Variants in MUC17 observed in about 807,000 individuals in gnomAD.
MUC17 encodes mucin-17.
Under a neutral mutation model 170.3 loss-of-function variants are expected in MUC17, and 190 were observed. The observed-to-expected ratio is 1.12, with a 90% confidence interval of 0.99 to 1.26. The LOEUF is 1.26. Ranked by LOEUF, MUC17 falls within the 50% of genes most tolerant of loss-of-function variation. MUC17 has a pLI of 0.00. For missense variants in MUC17, 6,415 were observed against 5,530.0 expected (o/e 1.16, Z -5.08); for synonymous variants, 2,325 against 2,002.5 (o/e 1.16, Z -4.30).
In MUC17 at chr7:101,042,635, GC is replaced by G. The variant is rs754963706; in HGVS notation, c.11220del (p.Ser3740ArgfsTer12). 4.8e-5 allele frequency: 77 copies of G among 1,613,878 alleles called. No homozygotes were observed. The highest frequency in any genetic ancestry group is 1.2e-5 in the Non-Finnish European group (14 of 1,180,020). ...EAISSSATLD[S>X]TTMSVSMPME... ...ATTTCATCTTCTGCAACTCTTGACA[GC>G]ACCACCATGTCTGTGTCAATGCCCA... On this transcript the variant is annotated frameshift_variant, in exon 3 of 13. Coordinates refer to ENST00000306151, the MANE Select transcript of MUC17 (RefSeq NM_001040105.2). LOFTEE classifies it high-confidence loss of function.
rs552714025 is a variant in MUC17 at position 101,043,661 on chromosome 7, C to T, written c.12245C>T (p.Thr4082Met). Reference sequence around the variant, plus strand: ...CCTCCAACAACCTCTGCCTCCTCCACGACTGTGAACCCTGAGGCTGTCACC... The same window carrying T: ...CCTCCAACAACCTCTGCCTCCTCCATGACTGTGAACCCTGAGGCTGTCACC... The part of the protein sequence containing the change: ...STPPTTSASS[T>M]TVNPEAVTTM... The change falls in exon 3 of 13, where the codon ACG (threonine) becomes ATG (methionine). Residue 4082 changes from threonine (T) to methionine (M), a missense_variant. Transcript: ENST00000306151. 5.9e-5 allele frequency: 95 copies of T among 1,614,196 alleles called. 1 individual carries two copies. The highest frequency in any genetic ancestry group is 5.2e-4 in the South Asian group (47 of 91,076).
rs144494200 is a variant in MUC17 at position 101,038,371 on chromosome 7, C to T, written c.6955C>T (p.Pro2319Ser). Residue 2319 changes from proline to serine, a missense_variant, in exon 3 of 13, where the codon CCT (proline) becomes TCT (serine). Physicochemically the swap from Pro to Ser is moderately conservative, Grantham distance 74 (BLOSUM62 -1). Transcript: ENST00000306151. ...PFTTSTEASS[P>S]PPTAEGTSMP... ...CACTACTTCTACTGAAGCCAGTTCACCTCCTCCCACTGCTGAAGGTACCAG... is the reference window on the plus strand; with the variant it reads ...CACTACTTCTACTGAAGCCAGTTCATCTCCTCCCACTGCTGAAGGTACCAG... The T allele has an allele frequency of 1.9e-4, 301 of 1,610,594 alleles. No individual in the cohort carries two copies. In the Middle Eastern group the frequency reaches 2.5e-3, roughly 13 times the overall value.
rs374939837 is a variant in MUC17, at chr7:101,035,633, C to G, written c.4217C>G (p.Thr1406Arg). The G allele has an allele frequency of 3.8e-5, 62 of 1,612,520 alleles. No individual in the cohort carries two copies. The highest frequency in any genetic ancestry group is 5.0e-5 in the Non-Finnish European group (59 of 1,179,138). ...TTAACAAGTATACCTGTCAGCACCA[C>G]GCCGGTAGTCAGTTCTGAGGCTAGC... Reference protein sequence around the residue: ...TPLTSIPVSTTPVVSSEASTL... With the variant: ...TPLTSIPVSTRPVVSSEASTL... The change falls in exon 3 of 13, where the codon ACG becomes AGG. Residue 1406 changes from threonine to arginine, a missense_variant. Transcript: ENST00000306151.
Position 101,037,252 on chromosome 7 carries a change from C to CT in MUC17, c.5839dup (p.Ser1947PhefsTer6), listed in dbSNP as rs1562811284. ...AGTGGCCAGTTCTGAAATCAACACC[C>CT]TTTCAACAACTCTTGCTGACACCAG... On this transcript the variant is annotated frameshift_variant, in exon 3 of 13. Coordinates refer to ENST00000306151, the MANE Select transcript of MUC17 (RefSeq NM_001040105.2). LOFTEE classifies it high-confidence loss of function. The CT allele has an allele frequency of 7.4e-6, 12 of 1,610,890 alleles. No homozygotes were observed. The highest frequency in any genetic ancestry group is 1.3e-5 in the African/African-American group (1 of 74,968).
At position 101,040,318 on chromosome 7, in the gene MUC17, T is replaced by C; in HGVS notation, c.8902T>C (p.Ser2968Pro). Reference sequence around the variant, plus strand: ...CACCACTTCTGCTGAAGCTAGTTCTTCTCCTACAACTGCTGAAGGTACCAG... The same window carrying C: ...CACCACTTCTGCTGAAGCTAGTTCTCCTCCTACAACTGCTGAAGGTACCAG... ...PVTTSAEASS[S>P]PTTAEGTSMP... The change falls in exon 3 of 13, where the codon TCT becomes CCT. Residue 2968 changes from serine (S) to proline (P), a missense_variant. Ser to Pro is a moderately conservative substitution (Grantham distance 74, BLOSUM62 -1). Transcript: ENST00000306151. The C allele has an allele frequency of 6.2e-7, 1 of 1,612,280 alleles. No individual in the cohort carries two copies. The highest frequency in any genetic ancestry group is 1.1e-5 in the South Asian group (1 of 90,938).
rs1228747320 is a variant in MUC17, at chr7:101,035,248, A to C, written c.3832A>C (p.Thr1278Pro). The change falls in exon 3 of 13, where the codon ACT becomes CCT. Residue 1278 changes from threonine (T) to proline (P), a missense_variant. Thr to Pro is a conservative substitution (Grantham distance 38). Transcript: ENST00000306151. ...LPTSTTSEGS[T>P]LLTSIPVSTT... ...AACCTCAACTACTAGTGAAGGAAGT[A>C]CTCTATTAACAAGTATACCTGTCAG... 6.2e-7 allele frequency: 1 copy of C among 1,609,070 alleles called. No individual in the cohort carries two copies. Among genetic ancestry groups the C allele is most frequent in the Admixed American group, 1.7e-5 (1 of 59,852 alleles).
intron 6 of MUC17, among the ~76,000 whole-genome samples, chr7:101,049,937 C>T (rs568447705): frequency 6.6e-6 from 1 of 152,242 alleles, no homozygotes; most frequent in Admixed American, 6.5e-5. Context: ...ACAAGACCAG[C>T]CTGAGCAACA....
In MUC17 at chr7:101,036,555, T is replaced by TC. The variant is rs766176910; in HGVS notation, c.5142dup (p.Val1715ArgfsTer2). ...CTGCAATCAGCACCCTTTCAACAAC[T>TC]CCCGTTGACAACAGCACACCTGTGA... On this transcript the variant is annotated frameshift_variant, in exon 3 of 13. Transcript: ENST00000306151. LOFTEE classifies it high-confidence loss of function. The TC allele has an allele frequency of 3.1e-6, 5 of 1,611,084 alleles. No homozygotes were observed. The highest frequency in any genetic ancestry group is 3.4e-6 in the Non-Finnish European group (4 of 1,178,422).
chr7:101,034,669 A>G lies in MUC17; in HGVS notation c.3253A>G (p.Thr1085Ala), dbSNP rs1325817950. 22 of 1,606,674 alleles carry G rather than the reference A, an allele frequency of 1.4e-5. No individual in the cohort carries two copies. Among genetic ancestry groups the G allele is most frequent in the Non-Finnish European group, 1.9e-5 (22 of 1,175,854 alleles). The stretch of plus-strand genomic sequence containing the variant: ...TTCTCAAGCCAGTTCATCTTCTACA[A>G]CTGCTGACGGTACCAGCATGCCAAC... ...TYSQASSSSTTADGTSMPTST... is the reference protein window; with the variant it reads ...TYSQASSSSTAADGTSMPTST... The change falls in exon 3 of 13, where the codon ACT becomes GCT. Residue 1085 changes from threonine to alanine, a missense_variant. By Grantham distance (58) the Thr-to-Ala change is moderately conservative. Coordinates refer to ENST00000306151, the MANE Select transcript of MUC17 (RefSeq NM_001040105.2).
rs756200082 is a variant in MUC17, at chr7:101,037,612, A to G, written c.6196A>G (p.Thr2066Ala). Residue 2066 changes from threonine (T) to alanine (A), a missense_variant, in exon 3 of 13, where the codon ACA becomes GCA. Physicochemically the swap from Thr to Ala is moderately conservative, Grantham distance 58. Transcript: ENST00000306151. Reference protein sequence around the residue: ...VVSSEGNTLSTTPVDSKTQVT... With the variant: ...VVSSEGNTLSATPVDSKTQVT... ...CAGTTCTGAGGGTAACACCCTTTCA[A>G]CAACTCCTGTTGACTCCAAAACTCA... 1.9e-6 allele frequency: 3 copies of G among 1,613,878 alleles called. No individual in the cohort carries two copies. Among genetic ancestry groups the G allele is most frequent in the Admixed American group, 3.3e-5 (2 of 59,990 alleles).
Position 101,037,976 on chromosome 7 carries a change from A to T in MUC17, c.6560A>T (p.Asp2187Val), listed in dbSNP as rs763345801. ...AGCACCCTTTCAACAACTCCTGTTGACACCAGCACACCTGTGACCAATTCT... is the reference window on the plus strand; with the variant it reads ...AGCACCCTTTCAACAACTCCTGTTGTCACCAGCACACCTGTGACCAATTCT... Reference protein sequence around the residue: ...AISTLSTTPVDTSTPVTNSTE... With the variant: ...AISTLSTTPVVTSTPVTNSTE... Residue 2187 changes from aspartate (D) to valine (V), a missense_variant, in exon 3 of 13, where the codon GAC (aspartate) becomes GTC (valine). By Grantham distance (152) the Asp-to-Val change is radical. Coordinates refer to ENST00000306151, the MANE Select transcript of MUC17 (RefSeq NM_001040105.2). 11 of 1,607,960 alleles carry T rather than the reference A, an allele frequency of 6.8e-6. No individual in the cohort carries two copies. In the Admixed American group the frequency reaches 1.7e-4, roughly 25 times the overall value.
chr7:101,022,593 G>A (rs1432737490), intron 1 of MUC17, among the ~76,000 whole-genome samples: 1 of 152,208 alleles, frequency 6.6e-6, no homozygotes, highest in African/African-American at 2.4e-5. Flanking sequence ...GGGAGGCCAA[G>A]TTGGAAGGAT....
intron 9 of MUC17, 70 bp downstream of exon 9, chr7:101,052,032 C>T (rs533770796): frequency 6.5e-6 from 10 of 1,533,342 alleles, no homozygotes; most frequent in South Asian, 1.2e-5. Context: ...CAGGGCTTCA[C>T]CCCAGGCATT....
At position 101,058,257 on chromosome 7, in the gene MUC17, A is replaced by C. The variant is rs150528234; in HGVS notation, c.*213A>C. The stretch of plus-strand genomic sequence containing the variant: ...TGGACGCTCCAATGGGCTTGTCATG[A>C]TATCAGGCTAGGCTTTCCTGCTCAT... On this transcript the variant is annotated 3_prime_UTR_variant, in exon 13 of 13. Transcript: ENST00000306151. The C allele has an allele frequency of 1.0e-4, 43 of 413,590 alleles. No homozygotes were observed. Among genetic ancestry groups the C allele is most frequent in the Non-Finnish European group, 1.7e-4 (40 of 229,760 alleles). The allele number at this position is 413,590 out of a possible 1,614,324, so 25.6% of individuals were successfully genotyped here.
In MUC17 at chr7:101,020,149, G is replaced by A. The variant is rs868274142; in HGVS notation, c.14G>A (p.Gly5Glu). The change falls in exon 1 of 13, where the codon GGG (glycine) becomes GAG (glutamate). Residue 5 changes from glycine (G) to glutamate (E), a missense_variant. Coordinates refer to ENST00000306151, the MANE Select transcript of MUC17 (RefSeq NM_001040105.2). Reference sequence around the variant, plus strand: ...CTCAGAGCTCCGATGCCAAGGCCAGGGACCATGGCGCTGTGTCTGCTGACC... The same window carrying A: ...CTCAGAGCTCCGATGCCAAGGCCAGAGACCATGGCGCTGTGTCTGCTGACC... The part of the protein sequence containing the change: MPRP[G>E]TMALCLLTLV... The A allele has an allele frequency of 6.2e-7, 1 of 1,605,080 alleles. No individual in the cohort carries two copies. The highest frequency in any genetic ancestry group is 8.5e-7 in the Non-Finnish European group (1 of 1,175,720).
At chr7:101,049,511 G>T (rs1003774894) in intron 6 of MUC17, 129 bp downstream of exon 6, 20 of 1,294,138 alleles carry the variant, frequency 1.5e-5, no homozygotes, top group African/African-American at 3.0e-5. Flanking sequence ...CACCGATGGG[G>T]CGGCTTAAAC....
At position 101,038,775 on chromosome 7, in the gene MUC17, A is replaced by G; in HGVS notation, c.7359A>G (p.Glu2453=). The change falls in exon 3 of 13, where the codon GAA becomes GAG. Residue 2453 remains glutamate, a synonymous_variant. Coordinates refer to ENST00000306151, the MANE Select transcript of MUC17 (RefSeq NM_001040105.2). The stretch of plus-strand genomic sequence containing the variant: ...GCATACCAACCTCACCTCCTAGTGA[A>G]GGAACCACTCCGTTAGCAAGTATGC... ...GTSIPTSPPS[E]GTTPLASMPV... The G allele has an allele frequency of 2.5e-6, 4 of 1,613,110 alleles. No individual in the cohort carries two copies. Among genetic ancestry groups the G allele is most frequent in the Non-Finnish European group, 3.4e-6 (4 of 1,179,208 alleles).
rs1176578729 is a variant in MUC17, at chr7:101,037,659, C to G, written c.6243C>G (p.Ala2081=). ...SKTQVTNSTE[A]SSSATAEGSS... ...CTCAGGTGACCAATTCTACTGAAGC[C>G]AGTTCATCTGCAACCGCTGAAGGTA... Residue 2081 remains alanine (A), a synonymous_variant, in exon 3 of 13, where the codon GCC becomes GCG. Coordinates refer to ENST00000306151, the MANE Select transcript of MUC17 (RefSeq NM_001040105.2). 6.2e-7 allele frequency: 1 copy of G among 1,613,706 alleles called. No individual in the cohort carries two copies.
chr7:101,054,079 A>G (rs1012586940), intron 11 of MUC17, among the ~76,000 whole-genome samples: 1 of 148,684 alleles, frequency 6.7e-6, no homozygotes, highest in Non-Finnish European at 1.5e-5. Flanking sequence ...AAAAAAAAAA[A>G]AAAAAAAAAA....
Sources: gnomAD v4.1 joint callset for allele counts (sites outside exome capture counted in the v4.1 genomes callset) on GRCh38, gnomAD v4.1.1 for gene constraint, MANE v1.5 for transcripts, NCBI Gene and HGNC (gene_info 2026-07-23, HGNC 2026-07-21) for gene names.